Variants in EDIL3 observed in about 807,000 individuals in gnomAD.
EDIL3 encodes the protein EGF-like repeat and discoidin I-like domain-containing protein 3.
In EDIL3, 37 loss-of-function variants were observed where a neutral mutation model predicts 67.4. The ratio of observed to expected loss-of-function variants is 0.55; its 90% confidence interval spans 0.42 to 0.72. The LOEUF is 0.72. EDIL3 is among the 30% of genes least tolerant of loss of function. The pLI is 0.00. For synonymous variants in EDIL3, 195 were observed against 196.3 expected (o/e 0.99, Z 0.05); for missense variants, 527 against 586.3 (o/e 0.90, Z 1.04).
intron 1 of EDIL3, among the ~76,000 whole-genome samples, chr5:84,319,134 A>G (rs897271981): frequency 1.7e-4 from 26 of 151,558 alleles, no homozygotes; most frequent in Admixed American, 5.3e-4. Context: ...AATGGCGATC[A>G]TTAAAAAGTC....
intron 10 of EDIL3, among the ~76,000 whole-genome samples, chr5:83,962,100 A>C (rs1210313023): frequency 6.6e-6 from 1 of 151,492 alleles, no homozygotes; most frequent in Admixed American, 6.6e-5. Context: ...TGAATCACTT[A>C]AACAGCCATT....
At chr5:84,109,308 C>T (rs1384432011) in intron 5 of EDIL3, among the ~76,000 whole-genome samples, 1 of 152,072 alleles carries the variant, frequency 6.6e-6, no homozygotes, top group Non-Finnish European at 1.5e-5. Context: ...GAGTTTGAGA[C>T]CAGACTGACC....
At chr5:84,139,329 G>C (rs1424250988) in intron 4 of EDIL3, among the ~76,000 whole-genome samples, 1 of 151,434 alleles carries the variant, frequency 6.6e-6, no homozygotes, top group Non-Finnish European at 1.5e-5. Context: ...GAGGCAGTGA[G>C]GGAGGGAAGG....
At chr5:84,085,907 T>A (rs1455627953) in intron 6 of EDIL3, among the ~76,000 whole-genome samples, 1 of 152,170 alleles carries the variant, frequency 6.6e-6, no homozygotes, top group Non-Finnish European at 1.5e-5. Flanking sequence ...AGGAGGAATC[T>A]AGAAAAACAG....
At position 84,074,408 on chromosome 5, in the gene EDIL3, T is replaced by C. The variant is rs192895712; in HGVS notation, c.652-7802A>G. On this transcript the variant is annotated intron_variant, in intron 6 of 10. Transcript: ENST00000296591. ...AAAGAAACTACCATCAGAGTGAACA[T>C]TCAACCCACAAAATGGGAGAAAATT... Among the ~76,000 whole-genome samples the C allele has an allele frequency of 6.8e-3, 1,030 of 152,198 alleles. 11 individuals are homozygous for C. Among genetic ancestry groups the C allele is most frequent in the African/African-American group, 0.024 (977 of 41,522 alleles).
chr5:84,122,941 G>T (rs1747804915), intron 5 of EDIL3, among the ~76,000 whole-genome samples: 1 of 151,900 alleles, frequency 6.6e-6, no homozygotes, highest in Non-Finnish European at 1.5e-5. Flanking sequence ...GCTGAAGCAG[G>T]TTATTAGAAA....
chr5:83,944,635 C>T (rs1404477209), intron 10 of EDIL3, among the ~76,000 whole-genome samples: 1 of 151,654 alleles, frequency 6.6e-6, no homozygotes, highest in African/African-American at 2.4e-5. Context: ...CTGAACATTT[C>T]TTATTAAAGT....
intron 5 of EDIL3, among the ~76,000 whole-genome samples, chr5:84,117,165 C>T (rs1054305093): frequency 3.3e-5 from 5 of 151,272 alleles, no homozygotes; most frequent in African/African-American, 9.7e-5. Flanking sequence ...GTAGCTGGGA[C>T]TACAGGCGCC....
chr5:84,381,670 T>A (rs1561274875), intron 1 of EDIL3, among the ~76,000 whole-genome samples: 1 of 152,162 alleles, frequency 6.6e-6, no homozygotes, highest in African/African-American at 2.4e-5. Flanking sequence ...TTTTAGACAG[T>A]GCCATTTGCT....
intron 5 of EDIL3, among the ~76,000 whole-genome samples, chr5:84,117,020 ATTTTTT>A (rs34997139): frequency 6.0e-5 from 5 of 83,240 alleles, no homozygotes; most frequent in South Asian, 4.7e-4. Flanking sequence ...TTAAGTACTT[ATTTTTT>A]TTTTTTTTTT....
chr5:83,989,708 A>G (rs1234997368), intron 9 of EDIL3, among the ~76,000 whole-genome samples: 2 of 152,178 alleles, frequency 1.3e-5, no homozygotes, highest in Non-Finnish European at 2.9e-5. Context: ...TCGTACTTGT[A>G]TATTCGCCTT....
intron 1 of EDIL3, among the ~76,000 whole-genome samples, chr5:84,373,174 C>T (rs1245316461): frequency 6.6e-6 from 1 of 152,086 alleles, no homozygotes; most frequent in African/African-American, 2.4e-5. Flanking sequence ...CTCTGAACTA[C>T]ACCCCGTCAT....
At chr5:84,291,509 A>C (rs1460911988) in intron 1 of EDIL3, among the ~76,000 whole-genome samples, 1 of 151,926 alleles carries the variant, frequency 6.6e-6, no homozygotes, top group Non-Finnish European at 1.5e-5. Context: ...AAAACATTTA[A>C]CTTAAAGAAA....
chr5:84,340,534 C>CTCTCTCTCTCTATATATATA (rs1432966515), intron 1 of EDIL3, among the ~76,000 whole-genome samples: 1 of 54,196 alleles, frequency 1.8e-5, no homozygotes, highest in Non-Finnish European at 3.6e-5. Flanking sequence ...CTCTCTCTCT[C>CTCTCTCTCTCTATATATATA]TATATATATA....
intron 9 of EDIL3, among the ~76,000 whole-genome samples, chr5:84,028,144 A>G (rs939099616): frequency 6.6e-6 from 1 of 152,042 alleles, no homozygotes; most frequent in East Asian, 1.9e-4. Flanking sequence ...AGGACTATCA[A>G]TTTTATCATG....
Position 84,064,759 on chromosome 5 carries a change from G to T in EDIL3, c.893C>A (p.Pro298His). 6.2e-7 allele frequency: 1 copy of T among 1,613,758 alleles called. No homozygotes were observed. Among genetic ancestry groups the T allele is most frequent in the Non-Finnish European group, 8.5e-7 (1 of 1,179,764 alleles). Residue 298 changes from proline (P) to histidine (H), a missense_variant, in exon 8 of 11, where the codon CCC (proline) becomes CAC (histidine). This residue lies in a region of EDIL3 where 494 missense variants were observed against 522.5 expected (regional missense o/e 0.95). Coordinates refer to ENST00000296591, the MANE Select transcript of EDIL3 (RefSeq NM_005711.5). ...AGTGCAATGTCTTCGACAAACTTGG[G>T]GATAGAGTCTTACATACTGAGCTTT... ...PIKAQYVRLYPQVCRRHCTLR... is the reference protein window; with the variant it reads ...PIKAQYVRLYHQVCRRHCTLR...
At chr5:84,023,697 G>C (rs1242878368) in intron 9 of EDIL3, among the ~76,000 whole-genome samples, 1 of 152,052 alleles carries the variant, frequency 6.6e-6, no homozygotes, top group African/African-American at 2.4e-5. Context: ...AAGCTGAAGA[G>C]ATTTGTTCTT....
chr5:84,151,067 T>C (rs535154355), intron 4 of EDIL3, among the ~76,000 whole-genome samples: 58 of 152,164 alleles, frequency 3.8e-4, no homozygotes, highest in Non-Finnish European at 6.5e-4. Flanking sequence ...GGTGATGTGA[T>C]GCAAATGTTT....
At chr5:83,968,914 T>C (rs1156954754) in intron 9 of EDIL3, among the ~76,000 whole-genome samples, 13 of 151,834 alleles carry the variant, frequency 8.6e-5, no homozygotes, top group Admixed American at 7.9e-4. Flanking sequence ...GAATAAGATA[T>C]ATGATCTGTA....
Sources: gnomAD v4.1 joint callset for allele counts (sites outside exome capture counted in the v4.1 genomes callset) on GRCh38, gnomAD v4.1.1 for gene constraint, gnomAD v4.1.1 regional missense constraint, MANE v1.5 for transcripts, NCBI Gene and HGNC (gene_info 2026-07-23, HGNC 2026-07-21) for gene names.